Variants in DSCAM observed in about 807,000 individuals in gnomAD.
DSCAM encodes the protein DS cell adhesion molecule.
In DSCAM, 47 loss-of-function variants were observed where a neutral mutation model predicts 217.7. That is an observed-to-expected ratio of 0.22 (90% CI 0.17 to 0.28). The LOEUF is 0.28. Ranked by LOEUF, DSCAM falls within the 10% of genes least tolerant of loss-of-function variation. DSCAM has a pLI of 1.00. For synonymous variants in DSCAM, 1,056 were observed against 1,015.3 expected (o/e 1.04, Z -0.76); for missense variants, 2,080 against 2,618.3 (o/e 0.79, Z 4.49).
intron 3 of DSCAM, among the ~76,000 whole-genome samples, chr21:40,465,245 C>T (rs1055535973): frequency 6.6e-6 from 1 of 152,106 alleles, no homozygotes; most frequent in Non-Finnish European, 1.5e-5. Context: ...TGTCCTTTTG[C>T]TGCACGAAAC....
chr21:40,370,882 A>C (rs2074890449), intron 3 of DSCAM, among the ~76,000 whole-genome samples: 1 of 152,134 alleles, frequency 6.6e-6, no homozygotes, highest in Admixed American at 6.5e-5. Context: ...TTGGCCTCCC[A>C]AAGTGCCAGG....
intron 3 of DSCAM, among the ~76,000 whole-genome samples, chr21:40,454,055 C>T (rs2075743819): frequency 6.6e-6 from 1 of 152,192 alleles, no homozygotes; most frequent in African/African-American, 2.4e-5. Flanking sequence ...TCCTAATGAG[C>T]AAACTTACGG....
chr21:40,446,158 T>C (rs539085173), intron 3 of DSCAM, among the ~76,000 whole-genome samples: 1 of 152,344 alleles, frequency 6.6e-6, no homozygotes, highest in South Asian at 2.1e-4. Flanking sequence ...TAAGTTTAAA[T>C]AGTAATTTAG....
rs187214310 is a variant in DSCAM at position 40,610,092 on chromosome 21, T to C, written c.508+82718A>G. On this transcript the variant is annotated intron_variant, in intron 3 of 32. Coordinates refer to ENST00000400454, the MANE Select transcript of DSCAM (RefSeq NM_001389.5). ...AACAAGCACGGGGCTTGGGACATAG[T>C]CCACACGAACATCTCGAGGATTCTG... 5.9e-5 allele frequency among the ~76,000 whole-genome samples: 9 copies of C among 152,304 alleles called. No individual in the cohort carries two copies. The East Asian group carries it at 1.2e-3, about 20-fold the overall frequency.
intron 3 of DSCAM, among the ~76,000 whole-genome samples, chr21:40,454,414 G>T (rs1394053361): frequency 6.6e-6 from 1 of 152,126 alleles, no homozygotes; most frequent in African/African-American, 2.4e-5. Flanking sequence ...TTTCTGTGAA[G>T]ACCACTCTGA....
chr21:40,457,056 G>T (rs1431291375), intron 3 of DSCAM, among the ~76,000 whole-genome samples: 1 of 152,202 alleles, frequency 6.6e-6, no homozygotes, highest in East Asian at 1.9e-4. Flanking sequence ...GCCTATACAG[G>T]AATCAAATAG....
intron 18 of DSCAM, among the ~76,000 whole-genome samples, chr21:40,135,665 G>GGATATT (rs796583811): frequency 5.9e-5 from 9 of 152,308 alleles, no homozygotes; most frequent in African/African-American, 2.2e-4. Flanking sequence ...TGTGTGTCCA[G>GGATATT]GATATTGCAC....
At chr21:40,766,004 C>T (rs766710116) in intron 1 of DSCAM, among the ~76,000 whole-genome samples, 3 of 152,214 alleles carry the variant, frequency 2.0e-5, no homozygotes, top group African/African-American at 4.8e-5. Context: ...GCTATCACAG[C>T]CGCGGAGGCA....
chr21:40,067,305 G>A (rs1363762837), intron 27 of DSCAM, among the ~76,000 whole-genome samples: 2 of 152,064 alleles, frequency 1.3e-5, no homozygotes, highest in Non-Finnish European at 2.9e-5. Flanking sequence ...AGTAAGTCAG[G>A]GACCATCTGC....
intron 8 of DSCAM, among the ~76,000 whole-genome samples, chr21:40,322,464 T>C (rs948311436): frequency 6.6e-6 from 1 of 152,184 alleles, no homozygotes. Flanking sequence ...TACACTGTAA[T>C]ATTTCTCATT....
intron 14 of DSCAM, among the ~76,000 whole-genome samples, chr21:40,185,812 C>T (rs61353450): frequency 0.072 from 10,919 of 152,260 alleles, 1,241 homozygotes; most frequent in African/African-American, 0.24. Context: ...GATGCTTGTT[C>T]AGCTCAGCAC....
At chr21:40,332,545 AT>A (rs1250227560) in intron 8 of DSCAM, among the ~76,000 whole-genome samples, 1 of 152,194 alleles carries the variant, frequency 6.6e-6, no homozygotes, top group African/African-American at 2.4e-5. Flanking sequence ...GGCAGTGTTG[AT>A]CCCCAGCAAT....
chr21:40,303,224 G>A (rs778790181), intron 9 of DSCAM, among the ~76,000 whole-genome samples: 1 of 152,060 alleles, frequency 6.6e-6, no homozygotes, highest in South Asian at 2.1e-4. Context: ...TAGATGGCCT[G>A]GCCTCTGCTT....
intron 3 of DSCAM, among the ~76,000 whole-genome samples, chr21:40,454,115 G>C (rs767646392): frequency 1.3e-5 from 2 of 152,156 alleles, no homozygotes; most frequent in Non-Finnish European, 2.9e-5. Context: ...TGTCACCATG[G>C]CAAAGTCTGC....
intron 3 of DSCAM, among the ~76,000 whole-genome samples, chr21:40,690,044 G>A (rs1328612928): frequency 6.6e-6 from 1 of 152,192 alleles, no homozygotes; most frequent in Non-Finnish European, 1.5e-5. Context: ...GGGGGAGGGA[G>A]GCTGTCCTCT....
intron 3 of DSCAM, among the ~76,000 whole-genome samples, chr21:40,651,680 G>A (rs980366482): frequency 6.6e-6 from 1 of 152,178 alleles, no homozygotes; most frequent in African/African-American, 2.4e-5. Flanking sequence ...TTACAAGGCT[G>A]CAGAGTCTTA....
chr21:40,437,448 A>C (rs920157580), intron 3 of DSCAM, among the ~76,000 whole-genome samples: 5 of 152,214 alleles, frequency 3.3e-5, no homozygotes, highest in African/African-American at 1.2e-4. Flanking sequence ...GAGCAATTAC[A>C]TAATCTTAGT....
chr21:40,423,741 T>A (rs974710256), intron 3 of DSCAM, among the ~76,000 whole-genome samples: 12 of 152,198 alleles, frequency 7.9e-5, no homozygotes, highest in African/African-American at 2.9e-4. Flanking sequence ...GCCATATGGA[T>A]TCGCTGCCGG....
chr21:40,686,083 C>T (rs535121049), intron 3 of DSCAM, among the ~76,000 whole-genome samples: 16 of 151,974 alleles, frequency 1.1e-4, no homozygotes, highest in African/African-American at 3.1e-4. Context: ...ACTGAGTGGC[C>T]CAACAAATGA....
Sources: gnomAD v4.1 joint callset for allele counts (sites outside exome capture counted in the v4.1 genomes callset) on GRCh38, gnomAD v4.1.1 for gene constraint, MANE v1.5 for transcripts, NCBI Gene and HGNC (gene_info 2026-07-23, HGNC 2026-07-21) for gene names.